The following SLC1A2 variants were observed in gnomAD, a reference collection of about 807,000 sequenced individuals.
The protein encoded by SLC1A2 is excitatory amino acid transporter 2.
SLC1A2 carries 15 observed loss-of-function variants against 48.8 expected under a neutral mutation model. That is an observed-to-expected ratio of 0.31 (90% CI 0.21 to 0.47). The LOEUF (loss-of-function observed/expected upper bound fraction) is 0.47, where lower values mean the gene tolerates loss of function less well. SLC1A2 is among the 20% of genes least tolerant of loss of function. The pLI is 0.99. For missense variants in SLC1A2, 502 were observed against 730.5 expected (o/e 0.69, Z 3.61); for synonymous variants, 279 against 272.6 (o/e 1.02, Z -0.23).
intron 7 of SLC1A2, among the ~76,000 whole-genome samples, chr11:35,290,160 G>A (rs1215402089): frequency 1.3e-5 from 2 of 152,152 alleles, no homozygotes; most frequent in African/African-American, 4.8e-5. Flanking sequence ...ATAGCAATCT[G>A]GTAATGTGCT....
At chr11:35,338,860 T>C (rs1442416482) in intron 1 of SLC1A2, among the ~76,000 whole-genome samples, 1 of 152,168 alleles carries the variant, frequency 6.6e-6, no homozygotes, top group Middle Eastern at 3.2e-3. Flanking sequence ...ATACACCTGA[T>C]CAAGATCACA....
intron 2 of SLC1A2, chr11:35,317,061 T>C (rs1341188180): frequency 3.6e-6 from 1 of 281,340 alleles, no homozygotes; most frequent in Non-Finnish European, 6.8e-6. Context: ...CTAGGTTTGC[T>C]AATATGTAGA....
rs747183505 is a variant in SLC1A2 at position 35,265,803 on chromosome 11, T to C, written c.1422-45A>G. 6.3e-6 allele frequency: 8 copies of C among 1,264,340 alleles called. No homozygotes were observed. In the African/African-American group the frequency reaches 7.4e-5, roughly 12 times the overall value. The allele number at this position is 1,264,340 out of a possible 1,614,324, so 78.3% of individuals were successfully genotyped here. On this transcript the variant is annotated intron_variant, in intron 9 of 10. Transcript: ENST00000278379. ...AAGGTTCAGTGAGGAAGCAGTATTA[T>C]GTGGTAGTTGAGAGGTCAAGGTCTG...
chr11:35,396,799 C>T (rs1854975855), intron 1 of SLC1A2, among the ~76,000 whole-genome samples: 1 of 152,122 alleles, frequency 6.6e-6, no homozygotes, highest in South Asian at 2.1e-4. Flanking sequence ...AGCCCAAAAT[C>T]TCCTTAAGCT....
At chr11:35,341,924 G>C in intron 1 of SLC1A2, among the ~76,000 whole-genome samples, 1 of 152,276 alleles carries the variant, frequency 6.6e-6, no homozygotes, top group Non-Finnish European at 1.5e-5. Flanking sequence ...AAAGTGTATG[G>C]ACCTGTTAAA....
At chr11:35,278,017 G>T (rs1433292218) in intron 9 of SLC1A2, among the ~76,000 whole-genome samples, 1 of 152,156 alleles carries the variant, frequency 6.6e-6, no homozygotes, top group African/African-American at 2.4e-5. Flanking sequence ...TCATGAGAAA[G>T]GCTGTCCCTT....
intron 10 of SLC1A2, among the ~76,000 whole-genome samples, chr11:35,264,359 T>C (rs1436168087): frequency 6.6e-6 from 1 of 152,222 alleles, no homozygotes; most frequent in Non-Finnish European, 1.5e-5. Context: ...TGATTAAATG[T>C]GACCTTGTCA....
intron 1 of SLC1A2, among the ~76,000 whole-genome samples, chr11:35,357,083 T>C (rs1370469819): frequency 6.6e-6 from 1 of 150,990 alleles, no homozygotes. Context: ...CTGTTAAAAC[T>C]ACAAAAGAAA....
At chr11:35,366,150 G>A (rs11033097) in intron 1 of SLC1A2, among the ~76,000 whole-genome samples, 44,931 of 152,116 alleles carry the variant, frequency 0.3, 6,975 homozygotes, top group African/African-American at 0.38. Context: ...TTCAGGGCCT[G>A]TTTTGGTTCT....
chr11:35,362,838 T>TGCAGCATCTACTCCCCC (rs1263037675), intron 1 of SLC1A2, among the ~76,000 whole-genome samples: 36 of 152,338 alleles, frequency 2.4e-4, no homozygotes, highest in African/African-American at 8.4e-4. Flanking sequence ...AACTTCTAGT[T>TGCAGCATCTACTCCCCC]GCAGCATCTA....
chr11:35,277,762 C>A (rs1246647564), intron 9 of SLC1A2, among the ~76,000 whole-genome samples: 2 of 139,330 alleles, frequency 1.4e-5, no homozygotes, highest in Non-Finnish European at 3.2e-5. Flanking sequence ...TGGCTTCCTT[C>A]GTCTTTCTTT....
intron 9 of SLC1A2, among the ~76,000 whole-genome samples, chr11:35,274,008 A>G (rs921448435): frequency 2.0e-5 from 3 of 152,322 alleles, no homozygotes; most frequent in Admixed American, 2.0e-4. Flanking sequence ...GGAAATATTC[A>G]AAGATGGAGA....
At chr11:35,321,787 G>A (rs1852077338) in intron 1 of SLC1A2, among the ~76,000 whole-genome samples, 1 of 152,156 alleles carries the variant, frequency 6.6e-6, no homozygotes, top group South Asian at 2.1e-4. Context: ...CGGATACACA[G>A]TAAGTCACGT....
intron 6 of SLC1A2, among the ~76,000 whole-genome samples, chr11:35,296,203 C>T (rs537671383): frequency 3.9e-5 from 6 of 152,188 alleles, no homozygotes; most frequent in Non-Finnish European, 7.3e-5. Context: ...AGGCCTGGGA[C>T]AGATGATGAG....
At chr11:35,327,649 A>T (rs1483484892) in intron 1 of SLC1A2, among the ~76,000 whole-genome samples, 1 of 152,234 alleles carries the variant, frequency 6.6e-6, no homozygotes, top group Non-Finnish European at 1.5e-5. Flanking sequence ...CCAACATTTC[A>T]TCAGTTTAAC....
At chr11:35,343,799 C>T (rs781611880) in intron 1 of SLC1A2, among the ~76,000 whole-genome samples, 3 of 151,900 alleles carry the variant, frequency 2.0e-5, no homozygotes, top group Non-Finnish European at 4.4e-5. Context: ...CAGACACACA[C>T]ACAGAGGCAC....
At chr11:35,314,046 C>A (rs1295347077) in intron 3 of SLC1A2, among the ~76,000 whole-genome samples, 1 of 151,370 alleles carries the variant, frequency 6.6e-6, no homozygotes, top group South Asian at 2.1e-4. Context: ...TCAATTTATA[C>A]CCTGTTTGAG....
intron 1 of SLC1A2, among the ~76,000 whole-genome samples, chr11:35,354,602 A>T (rs185566384): frequency 1.8e-3 from 277 of 152,246 alleles, no homozygotes; most frequent in African/African-American, 6.5e-3. Flanking sequence ...GTCTGGACAC[A>T]TTTTTGGTTT....
chr11:35,309,359 G>T (rs866542995), intron 4 of SLC1A2, among the ~76,000 whole-genome samples: 1 of 152,298 alleles, frequency 6.6e-6, no homozygotes, highest in East Asian at 1.9e-4. Context: ...AGTATTGGCC[G>T]AGTGAACATA....
Sources: gnomAD v4.1 joint callset for allele counts (sites outside exome capture counted in the v4.1 genomes callset) on GRCh38, gnomAD v4.1.1 for gene constraint, MANE v1.5 for transcripts, NCBI Gene and HGNC (gene_info 2026-07-23, HGNC 2026-07-21) for gene names.